The following TOM1L2 variants were observed in gnomAD, a reference collection of about 807,000 sequenced individuals.
TOM1L2 encodes the protein target of myb1 like 2 membrane trafficking protein.
In TOM1L2, 31 loss-of-function variants were observed where a neutral mutation model predicts 67.9. That is an observed-to-expected ratio of 0.46 (90% confidence interval 0.34 to 0.62). TOM1L2 has a LOEUF of 0.62. Among genes scored for constraint, TOM1L2 ranks in the 20% least tolerant of loss-of-function variants. TOM1L2 has a pLI of 0.01. For synonymous variants in TOM1L2, 256 were observed against 254.0 expected, an observed-to-expected ratio of 1.01 and a Z score of -0.07; for missense variants, 606 against 663.5, an observed-to-expected ratio of 0.91 and a Z score of 0.95.
At chr17:17,937,935 T>G (rs901765904) in intron 1 of TOM1L2, among the ~76,000 whole-genome samples, 1 of 152,188 alleles carries the variant, frequency 6.6e-6, no homozygotes, top group African/African-American at 2.4e-5. Flanking sequence ...TGACACTGCC[T>G]AATAGAGAAC....
Position 17,912,109 on chromosome 17 carries a change from C to T in TOM1L2, c.53-4578G>A, listed in dbSNP as rs535180464. Among the ~76,000 whole-genome samples the T allele has an allele frequency of 8.3e-3, 1,263 of 152,290 alleles. 17 individuals are homozygous for T. The highest frequency in any genetic ancestry group is 0.029 in the African/African-American group (1,215 of 41,522). The stretch of plus-strand genomic sequence containing the variant: ...TTCTCAATCTTTTCCCCACCTTTCC[C>T]GCCTTTCTATTCCACAAAACCGCCA... On this transcript the variant is annotated intron_variant, in intron 1 of 14. Transcript: ENST00000379504.
intron 1 of TOM1L2, among the ~76,000 whole-genome samples, chr17:17,960,027 G>A (rs2041621227): frequency 6.6e-6 from 1 of 152,200 alleles, no homozygotes; most frequent in Non-Finnish European, 1.5e-5. Flanking sequence ...GAGGATATAA[G>A]AAAGCACGTC....
At chr17:17,857,156 T>C (rs536273880) in intron 12 of TOM1L2, among the ~76,000 whole-genome samples, 3 of 152,292 alleles carry the variant, frequency 2.0e-5, no homozygotes, top group East Asian at 3.9e-4. Flanking sequence ...GGTTTCACCA[T>C]GTTGGCCAGA....
chr17:17,854,691 A>AT (rs879696462), intron 12 of TOM1L2, among the ~76,000 whole-genome samples: 5,156 of 142,422 alleles, frequency 0.036, 165 homozygotes, highest in African/African-American at 0.09. Flanking sequence ...CACCTGCCTA[A>AT]TTTTTTTTTT....
chr17:17,899,912 T>C (rs972189308), intron 2 of TOM1L2, among the ~76,000 whole-genome samples: 18 of 151,312 alleles, frequency 1.2e-4, no homozygotes, highest in African/African-American at 4.4e-4. Flanking sequence ...CTAATCAGCT[T>C]AATTTAAGAG....
chr17:17,886,850 A>G (rs2038024484), intron 4 of TOM1L2, among the ~76,000 whole-genome samples: 1 of 152,192 alleles, frequency 6.6e-6, no homozygotes. Flanking sequence ...TGGGAGGGAA[A>G]TGCACACCCA....
At chr17:17,931,835 A>G (rs757206728) in intron 1 of TOM1L2, among the ~76,000 whole-genome samples, 4 of 152,218 alleles carry the variant, frequency 2.6e-5, no homozygotes, top group Non-Finnish European at 5.9e-5. Context: ...ATTTCACACA[A>G]TAAAGATCCT....
intron 3 of TOM1L2, among the ~76,000 whole-genome samples, chr17:17,895,883 T>C (rs2144256160): frequency 6.6e-6 from 1 of 152,288 alleles, no homozygotes; most frequent in South Asian, 2.1e-4. Context: ...TAACTTAACC[T>C]AGGAGGCCAA....
intron 7 of TOM1L2, among the ~76,000 whole-genome samples, chr17:17,877,871 C>CTTGTTT (rs2037500074): frequency 1.3e-5 from 2 of 150,640 alleles, no homozygotes; most frequent in South Asian, 4.2e-4. Flanking sequence ...GGCTGATGGG[C>CTTGTTT]TTGTTTAAAA....
At position 17,847,582 on chromosome 17, in the gene TOM1L2, C is replaced by T; in HGVS notation, c.*53G>A. On this transcript the variant is annotated 3_prime_UTR_variant, in exon 15 of 15. Coordinates refer to ENST00000379504, the MANE Select transcript of TOM1L2 (RefSeq NM_001082968.2). Reference sequence around the variant, plus strand: ...TGTAGGAGTGGCCAGTGCCCGGTGTCCACGGGGTGCGAGCGGGGACCCGCC... The same window carrying T: ...TGTAGGAGTGGCCAGTGCCCGGTGTTCACGGGGTGCGAGCGGGGACCCGCC... The T allele has an allele frequency of 1.3e-6, 2 of 1,556,192 alleles. No individual in the cohort carries two copies. Among genetic ancestry groups the T allele is most frequent in the Admixed American group, 3.6e-5 (2 of 55,126 alleles).
chr17:17,936,045 A>T (rs1430049412), intron 1 of TOM1L2, among the ~76,000 whole-genome samples: 1 of 152,056 alleles, frequency 6.6e-6, no homozygotes, highest in Admixed American at 6.5e-5. Context: ...TAGCTCCTTT[A>T]CGGTTTCCCA....
chr17:17,930,831 G>A (rs1290824551), intron 1 of TOM1L2, among the ~76,000 whole-genome samples: 1 of 152,184 alleles, frequency 6.6e-6, no homozygotes, highest in Non-Finnish European at 1.5e-5. Flanking sequence ...CTTCCTGGTG[G>A]CCTGGGCAAG....
intron 4 of TOM1L2, among the ~76,000 whole-genome samples, chr17:17,891,184 T>C (rs1057039039): frequency 9.2e-5 from 14 of 152,244 alleles, no homozygotes; most frequent in African/African-American, 3.4e-4. Flanking sequence ...CACACACTGC[T>C]ACTGCCAGAC....
Position 17,898,661 on chromosome 17 carries a change from T to C in TOM1L2, c.151A>G (p.Ile51Val), listed in dbSNP as rs1389567152. 6.2e-7 allele frequency: 1 copy of C among 1,614,230 alleles called. No individual in the cohort carries two copies. Among genetic ancestry groups the C allele is most frequent in the East Asian group, 2.2e-5 (1 of 44,888 alleles). ...NETEEGPKDA[I>V]RALKKRLNGN... ...TTGAGCCGCTTCTTCAGGGCTCGAA[T>C]GGCATCCTTTGGCCTGGAAAAAAGA... The change falls in exon 3 of 15, where the codon ATT (isoleucine) becomes GTT (valine). Residue 51 changes from isoleucine to valine, a missense_variant. By Grantham distance (29) the Ile-to-Val change is conservative (BLOSUM62 3). Around this residue, in one of 2 missense-constraint regions of TOM1L2, gnomAD observed 63 missense variants for 109.5 expected, o/e 0.58. Coordinates refer to ENST00000379504, the MANE Select transcript of TOM1L2 (RefSeq NM_001082968.2).
chr17:17,894,975 A>ACATACATG (rs1555598776), intron 3 of TOM1L2, among the ~76,000 whole-genome samples: 2,543 of 147,668 alleles, frequency 0.017, 71 homozygotes, highest in African/African-American at 0.057. Flanking sequence ...ATACATACAT[A>ACATACATG]CATGCATGCA....
chr17:17,912,198 G>C (rs1206302610), intron 1 of TOM1L2, among the ~76,000 whole-genome samples: 7 of 151,694 alleles, frequency 4.6e-5, no homozygotes, highest in Non-Finnish European at 7.4e-5. Context: ...TGGTGGCCGG[G>C]CAGAGGGGCT....
intron 1 of TOM1L2, among the ~76,000 whole-genome samples, chr17:17,956,655 C>T (rs2041465432): frequency 6.6e-6 from 1 of 152,224 alleles, no homozygotes; most frequent in African/African-American, 2.4e-5. Flanking sequence ...ACCGCTGAGA[C>T]CCGGCGAGAA....
chr17:17,855,522 G>C (rs2143597042), intron 12 of TOM1L2, among the ~76,000 whole-genome samples: 1 of 152,324 alleles, frequency 6.6e-6, no homozygotes, highest in Admixed American at 6.5e-5. Flanking sequence ...GAGAGCACAA[G>C]CCTAGCAGTC....
chr17:17,900,140 G>A (rs892661237), intron 2 of TOM1L2, among the ~76,000 whole-genome samples: 1 of 152,156 alleles, frequency 6.6e-6, no homozygotes, highest in Admixed American at 6.5e-5. Flanking sequence ...TTGAACCTGG[G>A]AGACGGAGGT....
Sources: allele counts gnomAD v4.1 joint callset (sites outside exome capture counted in the v4.1 genomes callset), GRCh38; gene constraint gnomAD v4.1.1; regional missense constraint gnomAD v4.1.1; transcripts MANE v1.5; gene names NCBI Gene and HGNC (gene_info 2026-07-23, HGNC 2026-07-21).